Variants in COL2A1 observed in about 807,000 individuals in gnomAD.
COL2A1 encodes the protein collagen type II alpha 1 chain.
Under a neutral mutation model 204.5 loss-of-function variants are expected in COL2A1, and 28 were observed. The ratio of observed to expected loss-of-function variants is 0.14; its 90% confidence interval spans 0.10 to 0.19. The LOEUF is 0.19. Among genes scored for constraint, COL2A1 ranks in the 10% least tolerant of loss-of-function variants. The pLI is 1.00. For synonymous variants in COL2A1, 708 were observed against 718.7 expected (o/e 0.99, Z 0.24); for missense variants, 1,388 against 2,027.5 (o/e 0.68, Z 6.06).
In COL2A1 at chr12:47,985,068, G is replaced by C. The variant is rs767270700; in HGVS notation, c.1760C>G (p.Pro587Arg). The change falls in exon 27 of 54, where the codon CCT (proline) becomes CGT (arginine). Residue 587 changes from proline to arginine, a missense_variant. Physicochemically the swap from Pro to Arg is moderately radical, Grantham distance 103. Coordinates refer to ENST00000380518, the MANE Select transcript of COL2A1 (RefSeq NM_001844.5). ...PSGAPGEDGR[P>R]GPPGPQGARG... is the part of the protein sequence containing the mutation. ...AGCCCCCTGAGGACCTGGAGGTCCA[G>C]GACGACCATCTTCACCAGGGGCTCC... 1 of 1,613,796 alleles carries C rather than the reference G, an allele frequency of 6.2e-7. No homozygotes were observed. The highest frequency in any genetic ancestry group is 1.3e-5 in the African/African-American group (1 of 75,036).
chr12:47,989,304 A>G, intron 17 of COL2A1, 23 bp from the exon 18 acceptor site: 1 of 1,608,010 alleles, frequency 6.2e-7, no homozygotes, highest in East Asian at 2.2e-5. Context: ...GGCGGATGAG[A>G]AGAGAGGTGA....
intron 7 of COL2A1, among the ~76,000 whole-genome samples, chr12:47,997,107 C>T (rs986778305): frequency 6.6e-6 from 1 of 152,150 alleles, no homozygotes; most frequent in Non-Finnish European, 1.5e-5. Flanking sequence ...AATAGCAAAC[C>T]TGCAAAAACT....
intron 50 of COL2A1, 130 bp from the exon 51 acceptor site, chr12:47,975,735 G>C: frequency 1.0e-6 from 1 of 1,004,240 alleles, no homozygotes; most frequent in Non-Finnish European, 1.5e-6. Context: ...TGTAGCAGGC[G>C]AGGACCAAGG....
chr12:47,977,546 G>A, intron 45 of COL2A1, 54 bp downstream of exon 45: 2 of 1,609,284 alleles, frequency 1.2e-6, no homozygotes, highest in East Asian at 2.2e-5. Context: ...GACCTGTCAG[G>A]CCCGAGGCAA....
In COL2A1 at chr12:47,997,649, G is replaced by A. The variant is rs1940024696; in HGVS notation, c.488C>T (p.Pro163Leu). The A allele has an allele frequency of 1.9e-6, 3 of 1,613,722 alleles. No individual in the cohort carries two copies. Among genetic ancestry groups the A allele is most frequent in the African/African-American group, 1.3e-5 (1 of 74,878 alleles). The part of the protein sequence containing the change: ...GEPGTPGNPG[P>L]PGPPGPPGPP... ...ACCAGGGGGGCCGGGAGGACCAGGG[G>A]GGCCAGGATTTCCAGGGGTCCCAGG... The change falls in exon 7 of 54, where the codon CCC (proline) becomes CTC (leucine). Residue 163 changes from proline to leucine, a missense_variant. Around this residue, in one of 3 missense-constraint regions of COL2A1, gnomAD observed 201 missense variants for 242.4 expected, o/e 0.83. Coordinates refer to ENST00000380518, the MANE Select transcript of COL2A1 (RefSeq NM_001844.5).
chr12:47,974,938 C>A, intron 51 of COL2A1, 76 bp from the exon 52 acceptor site: 13 of 1,460,036 alleles, frequency 8.9e-6, no homozygotes, highest in South Asian at 1.3e-5. Context: ...CCAGGCCTGA[C>A]TGAAAGAGAC....
intron 45 of COL2A1, 55 bp from the exon 46 acceptor site, chr12:47,977,482 CAGA>C (rs1938788126): frequency 1.9e-6 from 3 of 1,586,196 alleles, no homozygotes; most frequent in Non-Finnish European, 1.7e-6. Flanking sequence ...GAGACAGGAA[CAGA>C]AGGTCCTTCT....
chr12:47,986,704 A>G (rs554198669), intron 22 of COL2A1, 131 bp downstream of exon 22: 1 of 1,077,106 alleles, frequency 9.3e-7, no homozygotes, highest in South Asian at 1.2e-5. Flanking sequence ...AGTCTCCTCC[A>G]GGCATAATCT....
Position 47,983,670 on chromosome 12 carries a change from T to G in COL2A1, c.1995+13A>C. The G allele has an allele frequency of 6.3e-7, 1 of 1,594,912 alleles. No individual in the cohort carries two copies. The highest frequency in any genetic ancestry group is 8.5e-7 in the Non-Finnish European group (1 of 1,170,682). ...GCAAAGGACTGCACAGAGAGCCTGGTCCAGCCACCTACCTGGAACCCAGAT... is the reference window on the plus strand; with the variant it reads ...GCAAAGGACTGCACAGAGAGCCTGGGCCAGCCACCTACCTGGAACCCAGAT... On this transcript the variant is annotated intron_variant, in intron 30 of 53. Coordinates refer to ENST00000380518, the MANE Select transcript of COL2A1 (RefSeq NM_001844.5).
intron 40 of COL2A1, 91 bp downstream of exon 40, chr12:47,979,918 C>A (rs573522335): frequency 1.8e-6 from 2 of 1,113,258 alleles, no homozygotes; most frequent in South Asian, 2.9e-5. Context: ...GGAAAACAGT[C>A]GGGGGCATCC....
At position 47,978,123 on chromosome 12, in the gene COL2A1, G is replaced by A. The variant is rs2136525367; in HGVS notation, c.3004-6C>T. The A allele has an allele frequency of 6.2e-7, 1 of 1,611,452 alleles. No individual in the cohort carries two copies. The highest frequency in any genetic ancestry group is 8.5e-7 in the Non-Finnish European group (1 of 1,178,908). ...CCCTGCTTGCCGGGCTCACCCTGGAGGGACAGAGACAAGGATGATGAGTGC... is the reference window on the plus strand; with the variant it reads ...CCCTGCTTGCCGGGCTCACCCTGGAAGGACAGAGACAAGGATGATGAGTGC... On this transcript the variant is annotated splice_region_variant and splice_polypyrimidine_tract_variant and intron_variant, in intron 43 of 53. Coordinates refer to ENST00000380518, the MANE Select transcript of COL2A1 (RefSeq NM_001844.5). The surrounding 1 kb of genome is among the most constrained non-coding windows in gnomAD (Gnocchi z 5.5).
intron 10 of COL2A1, among the ~76,000 whole-genome samples, 197 bp downstream of exon 10, chr12:47,995,513 G>C (rs893893003): frequency 1.3e-5 from 2 of 152,244 alleles, no homozygotes; most frequent in African/African-American, 4.8e-5. Flanking sequence ...TGTTAGGACA[G>C]AGTCCCTGGT....
chr12:47,992,819 A>G, intron 16 of COL2A1, 59 bp downstream of exon 16: 3 of 1,578,308 alleles, frequency 1.9e-6, no homozygotes, highest in Non-Finnish European at 2.6e-6. Flanking sequence ...AAGAGAAACA[A>G]ACCTGTAAAC....
rs1940374391 is a variant in COL2A1, at chr12:48,004,332, G to A, written c.-11C>T. 1.3e-6 allele frequency: 2 copies of A among 1,531,510 alleles called. No homozygotes were observed. The highest frequency in any genetic ancestry group is 1.4e-5 in the African/African-American group (1 of 72,626). The allele number at this position is 1,531,510 out of a possible 1,614,324, so 94.9% of individuals were successfully genotyped here. The stretch of plus-strand genomic sequence containing the variant: ...CCCGAGGCGAATCATGGCTCACCGC[G>A]GGGCCTGGCTGAGCCGGGCCCGGGC... On this transcript the variant is annotated 5_prime_UTR_variant, in exon 1 of 54. Coordinates refer to ENST00000380518, the MANE Select transcript of COL2A1 (RefSeq NM_001844.5).
In COL2A1 at chr12:47,975,623, G is replaced by A; in HGVS notation, c.3598-18C>T. Reference sequence around the variant, plus strand: ...GGAGGACCCTGCAGCAGGAAACAGAGAGATCAGCCAGGATTGTGTGAAAGT... The same window carrying A: ...GGAGGACCCTGCAGCAGGAAACAGAAAGATCAGCCAGGATTGTGTGAAAGT... On this transcript the variant is annotated intron_variant, in intron 50 of 53. Coordinates refer to ENST00000380518, the MANE Select transcript of COL2A1 (RefSeq NM_001844.5). 3 of 1,598,206 alleles carry A rather than the reference G, an allele frequency of 1.9e-6. No homozygotes were observed. The highest frequency in any genetic ancestry group is 2.5e-6 in the Non-Finnish European group (3 of 1,179,456).
At chr12:48,001,747 A>C (rs1233153158) in intron 1 of COL2A1, among the ~76,000 whole-genome samples, 1 of 152,138 alleles carries the variant, frequency 6.6e-6, no homozygotes, top group East Asian at 1.9e-4. Flanking sequence ...GGATTAAATG[A>C]CTGCCCCAGA....
chr12:47,998,680 A>G (rs1197874264), intron 2 of COL2A1: 4 of 525,942 alleles, frequency 7.6e-6, no homozygotes, highest in Non-Finnish European at 1.0e-5. Context: ...GGCAGCATGC[A>G]AAAGAAAGGA....
chr12:47,999,867 A>C, intron 2 of COL2A1, 52 bp downstream of exon 2: 1 of 1,499,716 alleles, frequency 6.7e-7, no homozygotes, highest in South Asian at 1.1e-5. Flanking sequence ...GCGTGTTTGC[A>C]GTGCTTGCAA....
intron 28 of COL2A1, 114 bp from the exon 29 acceptor site, chr12:47,984,254 C>A: frequency 1.0e-6 from 1 of 957,010 alleles, no homozygotes; most frequent in Non-Finnish European, 1.7e-6. Flanking sequence ...CCACGGTACC[C>A]CAGCTGAGCT....
Sources: gnomAD v4.1 joint callset for allele counts (sites outside exome capture counted in the v4.1 genomes callset) on GRCh38, gnomAD v4.1.1 for gene constraint, gnomAD v4.1.1 regional missense constraint, Gnocchi (gnomAD v3.1) non-coding constraint, MANE v1.5 for transcripts, NCBI Gene and HGNC (gene_info 2026-07-23, HGNC 2026-07-21) for gene names.